COL5A1: variants seen among roughly 807,000 people sequenced by gnomAD.
The protein encoded by COL5A1 is collagen type V alpha 1 chain.
Under a neutral mutation model 263.7 loss-of-function variants are expected in COL5A1, and 16 were observed. That is an observed-to-expected ratio of 0.06 (90% confidence interval 0.04 to 0.09). COL5A1 has a LOEUF of 0.09. Ranked by LOEUF, COL5A1 falls within the 10% of genes least tolerant of loss-of-function variation. The pLI is 1.00. For missense variants in COL5A1, 2,036 were observed against 2,540.5 expected, an observed-to-expected ratio of 0.80 and a Z score of 4.27; for synonymous variants, 1,012 against 1,004.5, an observed-to-expected ratio of 1.01 and a Z score of -0.14.
chr9:134,812,393 G>T, intron 46 of COL5A1, 56 bp from the exon 47 acceptor site: 1 of 1,565,998 alleles, frequency 6.4e-7, no homozygotes, highest in South Asian at 1.1e-5. Context: ...AGCTGTGTGT[G>T]TGTTTGACAT....
chr9:134,714,724 G>T (rs1351595705), intron 4 of COL5A1, among the ~76,000 whole-genome samples: 8 of 151,314 alleles, frequency 5.3e-5, no homozygotes, highest in African/African-American at 1.5e-4. Context: ...TAGTGGTGGT[G>T]ATGCTGGTGG....
intron 62 of COL5A1, 38 bp downstream of exon 62, chr9:134,824,893 G>A (rs757805841): frequency 2.7e-5 from 43 of 1,586,224 alleles, no homozygotes; most frequent in South Asian, 1.6e-4. Flanking sequence ...CCCCCAAAGC[G>A]GGCATGGACC....
intron 25 of COL5A1, among the ~76,000 whole-genome samples, chr9:134,769,881 AG>A: frequency 6.6e-6 from 1 of 151,940 alleles, no homozygotes; most frequent in East Asian, 1.9e-4. Flanking sequence ...CTTCCTGCCA[AG>A]ATCATTCTCT....
chr9:134,713,896 G>A (rs183989046), intron 4 of COL5A1, among the ~76,000 whole-genome samples: 24 of 152,296 alleles, frequency 1.6e-4, no homozygotes, highest in African/African-American at 4.8e-4. Context: ...CCAGAGGAGA[G>A]GGGATGAGAC....
chr9:134,700,393 C>T lies in COL5A1; in HGVS notation c.491+271C>T, dbSNP rs11103470. Among the ~76,000 whole-genome samples, 10,119 of 152,246 alleles carry T rather than the reference C, an allele frequency of 0.066. 371 individuals carry two copies. Among genetic ancestry groups the T allele is most frequent in the South Asian group, 0.092 (444 of 4,820 alleles). On this transcript the variant is annotated intron_variant, in intron 3 of 65. Coordinates refer to ENST00000371817, the MANE Select transcript of COL5A1 (RefSeq NM_000093.5). This position sits in a 1 kb window ranked among gnomAD's most constrained non-coding sequence, Gnocchi z 4.0. ...AGTGCACTAAAGCACATCAAATTCC[C>T]GCCTGTTTGTGTCAGAAGGGACACA...
At chr9:134,829,085 T>C (rs1046482484) in intron 63 of COL5A1, among the ~76,000 whole-genome samples, 1 of 152,188 alleles carries the variant, frequency 6.6e-6, no homozygotes, top group Non-Finnish European at 1.5e-5. Flanking sequence ...TCGCCTGCAG[T>C]AAATGCTGGC....
intron 4 of COL5A1, among the ~76,000 whole-genome samples, chr9:134,718,696 T>G (rs933070745): frequency 1.3e-5 from 2 of 152,174 alleles, no homozygotes; most frequent in African/African-American, 4.8e-5. Flanking sequence ...ACGATGTCCT[T>G]GACTCCAAGG....
In COL5A1 at chr9:134,642,244, G is replaced by C; in HGVS notation, c.57G>C (p.Leu19=). Residue 19 remains leucine, a synonymous_variant, in exon 1 of 66, where the codon CTG becomes CTC. Coordinates refer to ENST00000371817, the MANE Select transcript of COL5A1 (RefSeq NM_000093.5). This position sits in a 1 kb window ranked among gnomAD's most constrained non-coding sequence, Gnocchi z 4.5. ...GCGCGCTCCGCCCGGGCGCCCCGCT[G>C]CTGCCCCCGCTGCTGCTGCTGCTGC... ...ARSALRPGAP[L]LPPLLLLLLW... 1 of 1,283,062 alleles carries C rather than the reference G, an allele frequency of 7.8e-7. No homozygotes were observed. Among genetic ancestry groups the C allele is most frequent in the Admixed American group, 3.1e-5 (1 of 32,530 alleles). 79.5% of individuals were successfully genotyped at this position (1,283,062 alleles called of 1,614,324 possible).
rs370848451 is a variant in COL5A1, at chr9:134,763,867, C to T, written c.2034+130C>T. 4.7e-4 allele frequency: 421 copies of T among 886,684 alleles called. 5 individuals are homozygous for T. The highest frequency in any genetic ancestry group is 1.7e-3 in the Middle Eastern group (5 of 2,876). The allele number at this position is 886,684 out of a possible 1,614,324, so 54.9% of individuals were successfully genotyped here. On this transcript the variant is annotated intron_variant, in intron 20 of 65. Transcript: ENST00000371817. Reference sequence around the variant, plus strand: ...AGAGAGAGCTCGACCTGAGAACAGACGGACCTGGGCATCTCCCAGGGAAGC... The same window carrying T: ...AGAGAGAGCTCGACCTGAGAACAGATGGACCTGGGCATCTCCCAGGGAAGC...
intron 2 of COL5A1, among the ~76,000 whole-genome samples, chr9:134,694,989 G>C (rs1202941035): frequency 6.6e-6 from 1 of 152,136 alleles, no homozygotes; most frequent in Non-Finnish European, 1.5e-5. Context: ...TAATGACCCA[G>C]ATCTGAGCTG....
At chr9:134,802,114 G>A in intron 38 of COL5A1, 107 bp downstream of exon 38, 1 of 1,132,066 alleles carries the variant, frequency 8.8e-7, no homozygotes, top group Non-Finnish European at 1.3e-6. Flanking sequence ...CGGAGGTGCA[G>A]GTACTGCTGA....
Position 134,738,518 on chromosome 9 carries a change from G to A in COL5A1, c.1431+3G>A, listed in dbSNP as rs761448904. The A allele has an allele frequency of 1.9e-6, 3 of 1,614,080 alleles. No homozygotes were observed. Among genetic ancestry groups the A allele is most frequent in the African/African-American group, 1.3e-5 (1 of 75,062 alleles). On this transcript the variant is annotated splice_donor_region_variant and intron_variant, in intron 10 of 65. Transcript: ENST00000371817. ...CGCCTGGCCCAGAAGGCCCCGCGGT[G>A]AGTATCCGGCTTTATCCTGTGACTT...
Position 134,652,603 on chromosome 9 carries a change from C to T in COL5A1, c.109+10307C>T, listed in dbSNP as rs1419061359. The T allele has an allele frequency of 6.8e-6, 3 of 444,330 alleles. No homozygotes were observed. The highest frequency in any genetic ancestry group is 9.5e-6 in the Non-Finnish European group (2 of 209,858). 27.5% of individuals were successfully genotyped at this position (444,330 alleles called of 1,614,324 possible). A position where few individuals can be genotyped will look rare whatever the true frequency, so the allele number is the denominator to read the frequency against. ...GGGGGAGTCCGAGGATGCTGCTCTG[C>T]ACCCCACAGTGCACGGGACAGCCCC... On this transcript the variant is annotated intron_variant, in intron 1 of 65. Transcript: ENST00000371817. This position sits in a 1 kb window ranked among gnomAD's most constrained non-coding sequence, Gnocchi z 4.4.
At position 134,842,029 on chromosome 9, in the gene COL5A1, G is replaced by A. The variant is rs951742549; in HGVS notation, c.5371-128G>A. 138 of 1,051,850 alleles carry A rather than the reference G, an allele frequency of 1.3e-4. 1 individual carries two copies. Among genetic ancestry groups the A allele is most frequent in the African/African-American group, 7.3e-4 (46 of 63,310 alleles). The allele number at this position is 1,051,850 out of a possible 1,614,324, so 65.2% of individuals were successfully genotyped here. A position where few individuals can be genotyped will look rare whatever the true frequency, so the allele number is the denominator to read the frequency against. ...TCCTCCAACACTTGCCCGGGCAAGC[G>A]CAGCCCTGGGTAGGAGACAGGACAC... On this transcript the variant is annotated intron_variant, in intron 65 of 65. Coordinates refer to ENST00000371817, the MANE Select transcript of COL5A1 (RefSeq NM_000093.5). This position sits in a 1 kb window ranked among gnomAD's most constrained non-coding sequence, Gnocchi z 5.8.
rs1307115478 is a variant in COL5A1 at position 134,760,112 on chromosome 9, A to G, written c.1936-1813A>G. Reference sequence around the variant, plus strand: ...CACGCCCACACACCCCCACACTCATACACGCCCACACACCCCCACACTCAC... The same window carrying G: ...CACGCCCACACACCCCCACACTCATGCACGCCCACACACCCCCACACTCAC... On this transcript the variant is annotated intron_variant, in intron 18 of 65. Coordinates refer to ENST00000371817, the MANE Select transcript of COL5A1 (RefSeq NM_000093.5). Among the ~76,000 whole-genome samples the G allele has an allele frequency of 5.9e-5, 7 of 118,966 alleles. No individual in the cohort carries two copies. The East Asian group carries it at 1.9e-3, about 32-fold the overall frequency. The allele number at this position is 118,966 out of a possible 152,430, so 78.0% of individuals were successfully genotyped here. A position where few individuals can be genotyped will look rare whatever the true frequency, so the allele number is the denominator to read the frequency against.
intron 1 of COL5A1, among the ~76,000 whole-genome samples, chr9:134,673,781 A>G (rs983923314): frequency 3.3e-5 from 5 of 152,232 alleles, no homozygotes; most frequent in African/African-American, 1.2e-4. Context: ...TGGAAAGGTA[A>G]TAAGATTGGA....
intron 29 of COL5A1, among the ~76,000 whole-genome samples, chr9:134,783,948 G>A (rs1322871972): frequency 1.3e-5 from 2 of 152,212 alleles, no homozygotes; most frequent in Admixed American, 6.5e-5. Context: ...TCCACGTGAC[G>A]AGGGTGCAGC....
At chr9:134,802,063 G>GA in intron 38 of COL5A1, 56 bp downstream of exon 38, 1 of 1,554,716 alleles carries the variant, frequency 6.4e-7, no homozygotes, top group Middle Eastern at 1.7e-4. Context: ...TGCCCACAGG[G>GA]AAGAGGGTCC....
At chr9:134,738,831 T>C (rs771654932) in intron 11 of COL5A1, 23 bp downstream of exon 11, 2 of 1,603,698 alleles carry the variant, frequency 1.2e-6, no homozygotes, top group Admixed American at 3.3e-5. Context: ...CTGTGTTTCC[T>C]GAGATCACAC....
Sources: gnomAD v4.1 joint callset for allele counts (sites outside exome capture counted in the v4.1 genomes callset) on GRCh38, gnomAD v4.1.1 for gene constraint, Gnocchi (gnomAD v3.1) non-coding constraint, MANE v1.5 for transcripts, NCBI Gene and HGNC (gene_info 2026-07-23, HGNC 2026-07-21) for gene names.